Variants in PJA2 observed in about 807,000 individuals in gnomAD.
PJA2 encodes E3 ubiquitin-protein ligase Praja-2.
Under a neutral mutation model 69.3 loss-of-function variants are expected in PJA2, and 25 were observed. The ratio of observed to expected loss-of-function variants is 0.36; its 90% CI spans 0.26 to 0.50. The LOEUF (loss-of-function observed/expected upper bound fraction) is 0.50. Among genes scored for constraint, PJA2 ranks in the 20% least tolerant of loss-of-function variants. The pLI, the probability that PJA2 is intolerant of heterozygous loss-of-function variation, is 0.96. For missense variants in PJA2, 809 were observed against 830.2 expected, an observed-to-expected ratio of 0.97 and a Z score of 0.31; for synonymous variants, 308 against 277.8, an observed-to-expected ratio of 1.11 and a Z score of -1.08.
At chr5:109,383,589 C>T (rs752302669) in intron 1 of PJA2, 69 bp from the exon 2 acceptor site, 37 of 565,408 alleles carry the variant, frequency 6.5e-5, no homozygotes, top group Non-Finnish European at 1.1e-4. Context: ...GATACTTCTG[C>T]TCCTCCTAGT....
At chr5:109,362,452 T>C (rs1304514325) in intron 6 of PJA2, among the ~76,000 whole-genome samples, 1 of 152,228 alleles carries the variant, frequency 6.6e-6, no homozygotes, top group Non-Finnish European at 1.5e-5. Context: ...GGAGAACTAT[T>C]CTTATTGTTT....
chr5:109,384,683 A>G (rs1747120475), intron 1 of PJA2, among the ~76,000 whole-genome samples: 1 of 152,264 alleles, frequency 6.6e-6, no homozygotes, highest in African/African-American at 2.4e-5. Context: ...TAATTTATAA[A>G]TTCAGTAACA....
chr5:109,381,340 C>T (rs1299980255), intron 3 of PJA2, among the ~76,000 whole-genome samples, 163 bp downstream of exon 3: 1 of 151,858 alleles, frequency 6.6e-6, no homozygotes, highest in African/African-American at 2.4e-5. Context: ...AATATATACA[C>T]CATTAATATT....
At chr5:109,368,286 C>T (rs943683060) in intron 5 of PJA2, among the ~76,000 whole-genome samples, 4 of 152,174 alleles carry the variant, frequency 2.6e-5, no homozygotes, top group Non-Finnish European at 5.9e-5. Flanking sequence ...TCACCCATTC[C>T]TAACTTAACC....
In PJA2 at chr5:109,378,801, T is replaced by G. The variant is rs200584478; in HGVS notation, c.686A>C (p.Glu229Ala). 1.2e-6 allele frequency: 2 copies of G among 1,613,144 alleles called. No homozygotes were observed. The highest frequency in any genetic ancestry group is 1.7e-6 in the Non-Finnish European group (2 of 1,180,010). The change falls in exon 4 of 10, where the codon GAG (glutamate) becomes GCG (alanine). Residue 229 changes from glutamate to alanine, a missense_variant. By Grantham distance (107) the Glu-to-Ala change is moderately radical. Around this residue, in one of 4 missense-constraint regions of PJA2, gnomAD observed 700 missense variants for 639.5 expected, o/e 1.09. Coordinates refer to ENST00000361189, the MANE Select transcript of PJA2 (RefSeq NM_014819.5). ...VPSFNCEVRDEFEELDSVPLV... is the reference protein window; with the variant it reads ...VPSFNCEVRDAFEELDSVPLV... The stretch of plus-strand genomic sequence containing the variant: ...TGGTACAGAATCTAACTCTTCAAAC[T>G]CATCTCTTACTTCACAGTTAAATGA...
chr5:109,350,598 C>T (rs1318387131), intron 7 of PJA2, among the ~76,000 whole-genome samples: 6 of 152,126 alleles, frequency 3.9e-5, no homozygotes, highest in Admixed American at 3.9e-4. Context: ...GAGAGATTCC[C>T]AATACAACCA....
At position 109,378,510 on chromosome 5, in the gene PJA2, T is replaced by A. The variant is rs1746954274; in HGVS notation, c.977A>T (p.Gln326Leu). 1 of 1,614,220 alleles carries A rather than the reference T, an allele frequency of 6.2e-7. No individual in the cohort carries two copies. The highest frequency in any genetic ancestry group is 8.5e-7 in the Non-Finnish European group (1 of 1,180,014). Reference protein sequence around the residue: ...PKVRKLISSSQVDQETGFNRH... With the variant: ...PKVRKLISSSLVDQETGFNRH... ...ATTAAAACCTGTTTCTTGGTCCACCTGGCTTGAACTTATCAGTTTTCTAAC... is the reference window on the plus strand; with the variant it reads ...ATTAAAACCTGTTTCTTGGTCCACCAGGCTTGAACTTATCAGTTTTCTAAC... Residue 326 changes from glutamine to leucine, a missense_variant, in exon 4 of 10, where the codon CAG becomes CTG. Physicochemically the swap from Gln to Leu is moderately radical, Grantham distance 113. Around this residue, in one of 4 missense-constraint regions of PJA2, gnomAD observed 700 missense variants for 639.5 expected, o/e 1.09. Coordinates refer to ENST00000361189, the MANE Select transcript of PJA2 (RefSeq NM_014819.5).
At chr5:109,343,306 AAAGAAAAAAAG>A in intron 9 of PJA2, among the ~76,000 whole-genome samples, 1 of 131,372 alleles carries the variant, frequency 7.6e-6, no homozygotes, top group Non-Finnish European at 1.6e-5. Flanking sequence ...AGAAAGAAAG[AAAGAAAAAAAG>A]AAAATATGTA....
chr5:109,368,426 A>G, intron 5 of PJA2, 135 bp downstream of exon 5: 1 of 659,328 alleles, frequency 1.5e-6, no homozygotes, highest in Non-Finnish European at 2.5e-6. Context: ...CCAAAAGCAT[A>G]ATGAAAAAAT....
chr5:109,375,845 G>T (rs777751587), intron 4 of PJA2, among the ~76,000 whole-genome samples: 1 of 152,088 alleles, frequency 6.6e-6, no homozygotes, highest in Non-Finnish European at 1.5e-5. Context: ...CCTTTAGCTG[G>T]CACCATATTA....
chr5:109,369,497 G>C (rs1300406236), intron 4 of PJA2, among the ~76,000 whole-genome samples: 3 of 152,084 alleles, frequency 2.0e-5, no homozygotes, highest in Non-Finnish European at 4.4e-5. Flanking sequence ...ATGCTACCTG[G>C]AATAAATGTA....
At chr5:109,353,646 T>A (rs1272860567) in intron 7 of PJA2, among the ~76,000 whole-genome samples, 2 of 146,838 alleles carry the variant, frequency 1.4e-5, no homozygotes, top group Non-Finnish European at 3.0e-5. Flanking sequence ...TAGATATCTA[T>A]ATATTAGATA....
chr5:109,401,174 C>G (rs1466681374), intron 1 of PJA2, among the ~76,000 whole-genome samples: 3 of 151,782 alleles, frequency 2.0e-5, no homozygotes, highest in Non-Finnish European at 4.4e-5. Flanking sequence ...ATCGCAGATA[C>G]TTGGGAGACT....
intron 1 of PJA2, among the ~76,000 whole-genome samples, chr5:109,392,327 G>A (rs557865483): frequency 3.2e-4 from 41 of 126,496 alleles, no homozygotes; most frequent in African/African-American, 8.1e-4. Context: ...TTGGGAAGCC[G>A]AGGCGGGTGG....
Position 109,336,283 on chromosome 5 carries a change from G to T in PJA2, c.*948C>A, listed in dbSNP as rs577213020. ...ACTCGTCCACTGTGTGTGATCACCTGAAGGAGACATTGTGCATCTTAGTTT... is the reference window on the plus strand; with the variant it reads ...ACTCGTCCACTGTGTGTGATCACCTTAAGGAGACATTGTGCATCTTAGTTT... On this transcript the variant is annotated 3_prime_UTR_variant, in exon 10 of 10. Transcript: ENST00000361189. 1.3e-5 allele frequency: 2 copies of T among 152,296 alleles called. No individual in the cohort carries two copies. The highest frequency in any genetic ancestry group is 6.5e-5 in the Admixed American group (1 of 15,298). 9.4% of individuals were successfully genotyped at this position (152,296 alleles called of 1,614,324 possible). A position where few individuals can be genotyped will look rare whatever the true frequency, so the allele number is the denominator to read the frequency against.
intron 5 of PJA2, among the ~76,000 whole-genome samples, chr5:109,367,143 A>ATATATAT (rs1554054262): frequency 7.0e-6 from 1 of 143,214 alleles, no homozygotes; most frequent in Non-Finnish European, 1.5e-5. Flanking sequence ...CAAAAAAAAA[A>ATATATAT]ATATATATAT....
intron 1 of PJA2, among the ~76,000 whole-genome samples, chr5:109,405,788 A>T (rs1371297764): frequency 6.6e-6 from 1 of 152,206 alleles, no homozygotes; most frequent in African/African-American, 2.4e-5. Flanking sequence ...AAACTTATAG[A>T]AAAATCCTAA....
rs958422620 is a variant in PJA2, at chr5:109,380,770, A to G, written c.232+733T>C. ...CAGGGAGCCCAGATCACGTCACTGC[A>G]CACCAGCCTGGATGACAAAGTAAGA... is the stretch of plus-strand genomic sequence containing the variant. On this transcript the variant is annotated intron_variant, in intron 3 of 9. Transcript: ENST00000361189. 3.4e-5 allele frequency among the ~76,000 whole-genome samples: 5 copies of G among 147,184 alleles called. 1 individual carries two copies. Among genetic ancestry groups the G allele is most frequent in the African/African-American group, 1.3e-4 (5 of 39,794 alleles).
At chr5:109,351,190 A>G (rs1762244702) in intron 7 of PJA2, among the ~76,000 whole-genome samples, 1 of 152,126 alleles carries the variant, frequency 6.6e-6, no homozygotes, top group Admixed American at 6.6e-5. Context: ...AAATATCTCA[A>G]AAGAATTCAG....
Sources: allele counts gnomAD v4.1 joint callset (sites outside exome capture counted in the v4.1 genomes callset), GRCh38; gene constraint gnomAD v4.1.1; regional missense constraint gnomAD v4.1.1; transcripts MANE v1.5; gene names NCBI Gene and HGNC (gene_info 2026-07-23, HGNC 2026-07-21).